Variants in MACROD1 observed in about 807,000 individuals in gnomAD.
MACROD1 encodes mono-ADP ribosylhydrolase 1.
A neutral mutation model predicts 41.4 loss-of-function variants in MACROD1; 31 were observed. That is an observed-to-expected ratio of 0.75 (90% CI 0.56 to 1.01). The LOEUF is 1.01. MACROD1 is among the 50% of genes least tolerant of loss of function. The pLI, the probability that MACROD1 is intolerant of heterozygous loss-of-function variation, is 0.00. For synonymous variants in MACROD1, 252 were observed against 203.4 expected (o/e 1.24, Z -2.03); for missense variants, 473 against 460.0 (o/e 1.03, Z -0.26).
chr11:64,143,751 CAT>C lies in MACROD1; in HGVS notation c.517+7486_517+7487del, dbSNP rs1208319761. 2.7e-3 allele frequency among the ~76,000 whole-genome samples: 240 copies of C among 88,496 alleles called. 1 individual carries two copies. The highest frequency in any genetic ancestry group is 3.5e-3 in the Non-Finnish European group (136 of 38,516). 58.1% of individuals were successfully genotyped at this position (88,496 alleles called of 152,430 possible). ...TCCCTTCCCCCAACCCCGACACACA[CAT>C]ACACACACACACACACACACACACA... On this transcript the variant is annotated intron_variant, in intron 3 of 10. Transcript: ENST00000255681.
intron 2 of MACROD1, 151 bp from the exon 3 acceptor site, chr11:64,151,506 AC>A (rs1286358900): frequency 3.2e-6 from 2 of 622,746 alleles, no homozygotes; most frequent in East Asian, 2.7e-5. Flanking sequence ...AGTACCAGGA[AC>A]CCACACTGAG....
At chr11:64,072,223 A>G (rs1944122476) in intron 3 of MACROD1, among the ~76,000 whole-genome samples, 1 of 151,830 alleles carries the variant, frequency 6.6e-6, no homozygotes, top group Non-Finnish European at 1.5e-5. Flanking sequence ...CTGCTGTGGG[A>G]TGGAGGGGCT....
chr11:64,110,616 CA>C (rs1837531063), intron 3 of MACROD1, among the ~76,000 whole-genome samples: 2 of 152,024 alleles, frequency 1.3e-5, no homozygotes, highest in Non-Finnish European at 2.9e-5. Context: ...GAGTAATGGA[CA>C]CCTACAGCCT....
intron 3 of MACROD1, among the ~76,000 whole-genome samples, chr11:64,150,400 G>T (rs1945557546): frequency 6.6e-6 from 1 of 152,230 alleles, no homozygotes; most frequent in Non-Finnish European, 1.5e-5. Flanking sequence ...GCACAGCAGG[G>T]TTTTCCCTGT....
intron 2 of MACROD1, 124 bp downstream of exon 2, chr11:64,152,168 C>G: frequency 1.4e-6 from 1 of 732,536 alleles, no homozygotes; most frequent in South Asian, 1.6e-5. Flanking sequence ...GTGATACACG[C>G]GGAGCACCTG....
At chr11:64,165,675 G>A in intron 1 of MACROD1, 22 bp downstream of exon 1, 1 of 1,387,000 alleles carries the variant, frequency 7.2e-7, no homozygotes, top group Non-Finnish European at 9.4e-7. Flanking sequence ...TCTCCCTCGC[G>A]CCCCCTCGTG....
chr11:64,056,596 C>T (rs1943790741), intron 3 of MACROD1, among the ~76,000 whole-genome samples: 1 of 152,224 alleles, frequency 6.6e-6, no homozygotes, highest in Non-Finnish European at 1.5e-5. Flanking sequence ...GGTGGCCAGC[C>T]CTGAGTCCGG....
intron 3 of MACROD1, among the ~76,000 whole-genome samples, chr11:64,026,715 C>T (rs1356248002): frequency 6.6e-6 from 1 of 152,196 alleles, no homozygotes; most frequent in Non-Finnish European, 1.5e-5. Context: ...ACCCCTCCCC[C>T]ACAATTTCCT....
intron 3 of MACROD1, among the ~76,000 whole-genome samples, chr11:64,139,871 G>A (rs1378567067): frequency 1.3e-5 from 2 of 151,576 alleles, no homozygotes; most frequent in African/African-American, 4.9e-5. Context: ...CAGGAGAATA[G>A]CATGAACCTG....
At chr11:64,138,287 C>T (rs1310233328) in intron 3 of MACROD1, among the ~76,000 whole-genome samples, 1 of 152,220 alleles carries the variant, frequency 6.6e-6, no homozygotes, top group Non-Finnish European at 1.5e-5. Context: ...ACAGAACCCC[C>T]TCCCCGGCAC....
intron 1 of MACROD1, among the ~76,000 whole-genome samples, chr11:64,161,093 C>T (rs1945746862): frequency 6.6e-6 from 1 of 152,064 alleles, no homozygotes; most frequent in South Asian, 2.1e-4. Flanking sequence ...ATCGCTTGAA[C>T]CCAAGAAACG....
rs1265397211 is a variant in MACROD1, at chr11:64,120,745, G to A, written c.517+30494C>T. Reference sequence around the variant, plus strand: ...CCCCCCAGCCCCGAGATGAGCAGAAGGGCCCACCTGGGATGTCTGGGAGGA... The same window carrying A: ...CCCCCCAGCCCCGAGATGAGCAGAAAGGCCCACCTGGGATGTCTGGGAGGA... On this transcript the variant is annotated intron_variant, in intron 3 of 10. Transcript: ENST00000255681. This position sits in a 1 kb window ranked among gnomAD's most constrained non-coding sequence, Gnocchi z 4.5. Among the ~76,000 whole-genome samples, 1 of 152,022 alleles carries A rather than the reference G, an allele frequency of 6.6e-6. No individual in the cohort carries two copies. The highest frequency in any genetic ancestry group is 6.5e-5 in the Admixed American group (1 of 15,276).
chr11:64,068,744 G>C (rs1420506799), intron 3 of MACROD1, among the ~76,000 whole-genome samples: 2 of 152,238 alleles, frequency 1.3e-5, no homozygotes, highest in East Asian at 3.9e-4. Context: ...ACAGCTGCTA[G>C]CCTGGGAGCC....
intron 3 of MACROD1, among the ~76,000 whole-genome samples, chr11:64,023,729 C>G (rs1376081283): frequency 6.6e-6 from 1 of 152,134 alleles, no homozygotes; most frequent in Non-Finnish European, 1.5e-5. Flanking sequence ...CCCTGTACCT[C>G]AGAGCGGCCT....
chr11:64,047,912 AAAAG>A (rs1365935014), intron 3 of MACROD1, among the ~76,000 whole-genome samples: 9 of 151,802 alleles, frequency 5.9e-5, no homozygotes, highest in Middle Eastern at 3.4e-3. Context: ...AAAAAAAAAA[AAAAG>A]GAAGGAAGCA....
intron 4 of MACROD1, among the ~76,000 whole-genome samples, chr11:64,004,342 G>A (rs745569307): frequency 2.6e-5 from 4 of 152,228 alleles, no homozygotes; most frequent in Admixed American, 6.5e-5. Context: ...GGGGCCATCC[G>A]CCAAGGCGCT....
chr11:64,076,816 G>A lies in MACROD1; in HGVS notation c.518-61535C>T, dbSNP rs533262376. On this transcript the variant is annotated intron_variant, in intron 3 of 10. Coordinates refer to ENST00000255681, the MANE Select transcript of MACROD1 (RefSeq NM_014067.4). ...TCTGGGCTCCCGTCCCTCCTACTGCGTGAGCAGCCCCCCGGTCCTCCTGCA... is the reference window on the plus strand; with the variant it reads ...TCTGGGCTCCCGTCCCTCCTACTGCATGAGCAGCCCCCCGGTCCTCCTGCA... Among the ~76,000 whole-genome samples, 21 of 152,272 alleles carry A rather than the reference G, an allele frequency of 1.4e-4. No individual in the cohort carries two copies. In the South Asian group the frequency reaches 3.5e-3, roughly 26 times the overall value.
rs999792377 is a variant in MACROD1, at chr11:64,146,232, T to C, written c.517+5007A>G. Among the ~76,000 whole-genome samples the C allele has an allele frequency of 1.3e-5, 2 of 151,896 alleles. No homozygotes were observed. The highest frequency in any genetic ancestry group is 4.8e-5 in the African/African-American group (2 of 41,334). ...GCACCCCCGTGGTAAAAAGGAGACA[T>C]AAACACCCTGGCAGCCACAGCACCC... On this transcript the variant is annotated intron_variant, in intron 3 of 10. Transcript: ENST00000255681. This position sits in a 1 kb window ranked among gnomAD's most constrained non-coding sequence, Gnocchi z 4.7.
At chr11:64,010,811 TTGGGGTATTGG>T (rs1943000630) in intron 4 of MACROD1, among the ~76,000 whole-genome samples, 1 of 142,410 alleles carries the variant, frequency 7.0e-6, no homozygotes, top group African/African-American at 2.8e-5. Flanking sequence ...GGCATGTTGG[TTGGGGTATTGG>T]TTGGGGTGTT....
Sources: allele counts gnomAD v4.1 joint callset (sites outside exome capture counted in the v4.1 genomes callset), GRCh38; gene constraint gnomAD v4.1.1; non-coding constraint Gnocchi (gnomAD v3.1); transcripts MANE v1.5; gene names NCBI Gene and HGNC (gene_info 2026-07-23, HGNC 2026-07-21).